The following ZFAND3 variants were observed in gnomAD, a reference collection of about 807,000 sequenced individuals.
ZFAND3 encodes zinc finger AN1-type containing 3, also known as AN1-type zinc finger protein 3.
ZFAND3 carries 10 observed loss-of-function variants against 29.6 expected under a neutral mutation model. The ratio of observed to expected loss-of-function variants is 0.34; its 90% CI spans 0.21 to 0.57. ZFAND3 has a LOEUF of 0.57. Among genes scored for constraint, ZFAND3 ranks in the 20% least tolerant of loss-of-function variants. ZFAND3 has a pLI of 0.86. For missense variants in ZFAND3, 230 were observed against 304.5 expected, an observed-to-expected ratio of 0.76 and a Z score of 1.82; for synonymous variants, 128 against 112.6, an observed-to-expected ratio of 1.14 and a Z score of -0.87.
intron 1 of ZFAND3, among the ~76,000 whole-genome samples, chr6:37,834,426 G>A (rs1763925116): frequency 6.6e-6 from 1 of 152,122 alleles, no homozygotes; most frequent in Admixed American, 6.5e-5. Context: ...TTGCTTCCAA[G>A]TTTTGGCAAT....
intron 1 of ZFAND3, among the ~76,000 whole-genome samples, chr6:37,849,163 C>T (rs1764236395): frequency 6.6e-6 from 1 of 151,938 alleles, no homozygotes; most frequent in African/African-American, 2.4e-5. Context: ...CTGCAGGGGG[C>T]CAGAAGGTTG....
rs535913422 is a variant in ZFAND3 at position 38,060,389 on chromosome 6, T to C, written c.113-1204T>C. ...CTCCTCTCCCCTCCCGTTTTTCTTT[T>C]TCTTTCCTTTTCCTTTCTTGGTTCT... is the stretch of plus-strand genomic sequence containing the variant. On this transcript the variant is annotated intron_variant, in intron 2 of 5. Transcript: ENST00000287218. 4.6e-5 allele frequency among the ~76,000 whole-genome samples: 7 copies of C among 151,882 alleles called. No homozygotes were observed. In the East Asian group the frequency reaches 1.4e-3, roughly 29 times the overall value.
chr6:37,920,505 CTT>C (rs568171170), intron 1 of ZFAND3, among the ~76,000 whole-genome samples: 69 of 152,222 alleles, frequency 4.5e-4, no homozygotes, highest in African/African-American at 1.6e-3. Context: ...TACACTATAA[CTT>C]TTAGTGCAAG....
At chr6:38,141,329 A>G (rs907645238) in intron 5 of ZFAND3, among the ~76,000 whole-genome samples, 6 of 152,186 alleles carry the variant, frequency 3.9e-5, no homozygotes, top group Admixed American at 3.9e-4. Flanking sequence ...TTCAACAAAC[A>G]ATCAGTACGT....
chr6:38,054,640 A>G (rs1764098839), intron 2 of ZFAND3, among the ~76,000 whole-genome samples: 1 of 152,212 alleles, frequency 6.6e-6, no homozygotes, highest in South Asian at 2.1e-4. Context: ...TTTGCTTTTT[A>G]AAGAAGCTAG....
intron 2 of ZFAND3, among the ~76,000 whole-genome samples, chr6:37,940,993 A>G (rs1033486738): frequency 1.3e-5 from 2 of 152,236 alleles, no homozygotes; most frequent in Non-Finnish European, 2.9e-5. Flanking sequence ...CTGAAATGAA[A>G]TAATTGCAAT....
intron 2 of ZFAND3, among the ~76,000 whole-genome samples, chr6:37,964,345 C>A (rs1413933855): frequency 6.6e-6 from 1 of 152,150 alleles, no homozygotes; most frequent in Non-Finnish European, 1.5e-5. Flanking sequence ...AACTTCTGAC[C>A]TGTGTGGCTC....
chr6:37,942,356 A>T (rs1462810761), intron 2 of ZFAND3, among the ~76,000 whole-genome samples: 1 of 152,118 alleles, frequency 6.6e-6, no homozygotes, highest in African/African-American at 2.4e-5. Context: ...AATAAATTTA[A>T]AAGTTTGTCA....
At chr6:37,840,389 G>A (rs879418001) in intron 1 of ZFAND3, among the ~76,000 whole-genome samples, 7 of 152,324 alleles carry the variant, frequency 4.6e-5, no homozygotes, top group Non-Finnish European at 7.4e-5. Context: ...ATGCGCCACC[G>A]CGCCTGGCCA....
chr6:37,992,474 C>A (rs1370984869), intron 2 of ZFAND3, among the ~76,000 whole-genome samples: 1 of 152,142 alleles, frequency 6.6e-6, no homozygotes, highest in African/African-American at 2.4e-5. Flanking sequence ...TGAGACTGAG[C>A]AGTTACTTGC....
At chr6:38,133,783 T>G (rs1426095808) in intron 5 of ZFAND3, among the ~76,000 whole-genome samples, 5 of 151,144 alleles carry the variant, frequency 3.3e-5, no homozygotes, top group African/African-American at 1.2e-4. Flanking sequence ...GGACAAATGG[T>G]ACCTCCTTTT....
chr6:37,975,825 C>T (rs1180145163), intron 2 of ZFAND3, among the ~76,000 whole-genome samples: 1 of 152,070 alleles, frequency 6.6e-6, no homozygotes, highest in East Asian at 1.9e-4. Flanking sequence ...AGTGTTAATC[C>T]TTCAACTTTA....
chr6:37,870,292 CAAAAAAAAA>C (rs1174577231), intron 1 of ZFAND3, among the ~76,000 whole-genome samples: 4 of 33,486 alleles, frequency 1.2e-4, no homozygotes, highest in South Asian at 2.8e-3. Flanking sequence ...GAGACTGTCT[CAAAAAAAAA>C]AAAAAAAAAA....
At chr6:38,119,061 C>G (rs958026669) in intron 5 of ZFAND3, among the ~76,000 whole-genome samples, 1 of 152,180 alleles carries the variant, frequency 6.6e-6, no homozygotes, top group Non-Finnish European at 1.5e-5. Flanking sequence ...ATGTAACTTT[C>G]CTAGAGTCAG....
intron 1 of ZFAND3, among the ~76,000 whole-genome samples, chr6:37,841,696 G>A (rs1764079248): frequency 6.6e-6 from 1 of 152,160 alleles, no homozygotes; most frequent in African/African-American, 2.4e-5. Context: ...TGTTAGCCAG[G>A]ATGGTCTCGA....
rs750795964 is a variant in ZFAND3, at chr6:37,847,725, C to T, written c.71+27709C>T. Among the ~76,000 whole-genome samples, 8 of 152,032 alleles carry T rather than the reference C, an allele frequency of 5.3e-5. No individual in the cohort carries two copies. The East Asian group carries it at 1.6e-3, about 30-fold the overall frequency. ...TGTAAAGGATGCCTTGGGAATAGGT[C>T]AGTAAACTGCCTAGAGCCAGATCTG... On this transcript the variant is annotated intron_variant, in intron 1 of 5. Transcript: ENST00000287218.
chr6:38,059,082 G>A (rs183054341), intron 2 of ZFAND3, among the ~76,000 whole-genome samples: 9 of 152,210 alleles, frequency 5.9e-5, no homozygotes, highest in Admixed American at 2.0e-4. Flanking sequence ...ATAGAGTAGC[G>A]TTAGATTTTT....
chr6:38,099,697 G>T (rs1277750500), intron 4 of ZFAND3, among the ~76,000 whole-genome samples: 1 of 152,150 alleles, frequency 6.6e-6, no homozygotes, highest in African/African-American at 2.4e-5. Context: ...TTAGCAAGGA[G>T]TAAAGAAAAA....
intron 1 of ZFAND3, among the ~76,000 whole-genome samples, chr6:37,825,265 G>A (rs943798245): frequency 1.2e-4 from 19 of 152,160 alleles, no homozygotes; most frequent in African/African-American, 4.3e-4. Context: ...TCAGTAGAAT[G>A]TTCGTTCCAT....
Sources: gnomAD v4.1 joint callset for allele counts (sites outside exome capture counted in the v4.1 genomes callset) on GRCh38, gnomAD v4.1.1 for gene constraint, MANE v1.5 for transcripts, NCBI Gene and HGNC (gene_info 2026-07-23, HGNC 2026-07-21) for gene names.